ZBTB16: variants seen among roughly 807,000 people sequenced by gnomAD.
ZBTB16 encodes zinc finger and BTB domain-containing protein 16.
In ZBTB16, 8 loss-of-function variants were observed where a neutral mutation model predicts 56.8. The observed-to-expected ratio is 0.14, with a 90% confidence interval of 0.08 to 0.25. The LOEUF (loss-of-function observed/expected upper bound fraction) is 0.25. Among genes scored for constraint, ZBTB16 ranks in the 10% least tolerant of loss-of-function variants. The probability of loss-of-function intolerance (pLI) is 1.00; values close to 1 mark genes in which losing one functional copy is unlikely to be tolerated. For missense variants in ZBTB16, 625 were observed against 903.0 expected (o/e 0.69, Z 3.95); for synonymous variants, 363 against 368.5 (o/e 0.98, Z 0.17).
intron 2 of ZBTB16, among the ~76,000 whole-genome samples, chr11:114,069,294 C>T (rs1426504557): frequency 6.6e-6 from 1 of 151,902 alleles, no homozygotes; most frequent in African/African-American, 2.4e-5. Flanking sequence ...ACCGTGTTAG[C>T]CAGTATGGTC....
intron 2 of ZBTB16, among the ~76,000 whole-genome samples, chr11:114,119,264 CAAAAAAAAAA>C (rs71063549): frequency 5.2e-5 from 3 of 57,250 alleles, no homozygotes; most frequent in Admixed American, 6.3e-4. Flanking sequence ...AACTCTGTCT[CAAAAAAAAAA>C]AAAAAAAAAA....
chr11:114,248,143 A>T (rs1591814848), intron 6 of ZBTB16, among the ~76,000 whole-genome samples: 1 of 151,512 alleles, frequency 6.6e-6, no homozygotes, highest in East Asian at 1.9e-4. Flanking sequence ...CAAGTGATTC[A>T]CCCGCCTCGG....
At chr11:114,180,244 T>G (rs1943216245) in intron 3 of ZBTB16, among the ~76,000 whole-genome samples, 1 of 152,036 alleles carries the variant, frequency 6.6e-6, no homozygotes, top group Non-Finnish European at 1.5e-5. Flanking sequence ...CCCTACAGGG[T>G]GGTGCTTAGA....
At chr11:114,212,564 C>A (rs1167997080) in intron 4 of ZBTB16, among the ~76,000 whole-genome samples, 1 of 152,216 alleles carries the variant, frequency 6.6e-6, no homozygotes, top group Non-Finnish European at 1.5e-5. Context: ...AAAGACTTCG[C>A]TATAGAGTCA....
At chr11:114,110,532 G>C (rs1250294436) in intron 2 of ZBTB16, among the ~76,000 whole-genome samples, 1 of 152,194 alleles carries the variant, frequency 6.6e-6, no homozygotes, top group Non-Finnish European at 1.5e-5. Context: ...TAAAGAAGGA[G>C]GGCCAGTGAG....
intron 2 of ZBTB16, among the ~76,000 whole-genome samples, chr11:114,110,258 C>T (rs770625574): frequency 4.6e-5 from 7 of 152,140 alleles, no homozygotes; most frequent in African/African-American, 1.7e-4. Context: ...CCAGACCCTA[C>T]GGTCAAAGAT....
intron 3 of ZBTB16, among the ~76,000 whole-genome samples, chr11:114,175,981 GT>G (rs1943102046): frequency 7.6e-5 from 5 of 66,116 alleles, no homozygotes; most frequent in African/African-American, 2.1e-4. Flanking sequence ...GGAGAGGGGT[GT>G]GTGTGTGTGT....
intron 4 of ZBTB16, among the ~76,000 whole-genome samples, chr11:114,225,233 A>G (rs1016284886): frequency 3.3e-5 from 5 of 152,074 alleles, no homozygotes; most frequent in African/African-American, 1.2e-4. Flanking sequence ...GAGTAACTGG[A>G]TGGGAGAATT....
At chr11:114,068,864 G>A (rs758642085) in intron 2 of ZBTB16, among the ~76,000 whole-genome samples, 3 of 152,216 alleles carry the variant, frequency 2.0e-5, no homozygotes, top group Non-Finnish European at 4.4e-5. Context: ...GTACATATGC[G>A]ATAAGATTGC....
intron 3 of ZBTB16, among the ~76,000 whole-genome samples, chr11:114,172,609 C>G (rs1273288252): frequency 2.0e-5 from 3 of 152,186 alleles, no homozygotes; most frequent in Non-Finnish European, 4.4e-5. Context: ...CCCATTTCTC[C>G]CAGCCCACAG....
chr11:114,156,605 C>T (rs1280223212), intron 3 of ZBTB16, among the ~76,000 whole-genome samples, 171 bp downstream of exon 3: 1 of 152,166 alleles, frequency 6.6e-6, no homozygotes, highest in Non-Finnish European at 1.5e-5. Context: ...AAGATCCATC[C>T]TGATGGCGGG....
At chr11:114,195,730 A>G (rs1340137372) in intron 4 of ZBTB16, among the ~76,000 whole-genome samples, 1 of 152,170 alleles carries the variant, frequency 6.6e-6, no homozygotes, top group East Asian at 1.9e-4. Flanking sequence ...CGCATGGAGT[A>G]AGTGCTCAGG....
At chr11:114,200,207 A>G (rs995112986) in intron 4 of ZBTB16, among the ~76,000 whole-genome samples, 1 of 152,042 alleles carries the variant, frequency 6.6e-6, no homozygotes, top group Non-Finnish European at 1.5e-5. Flanking sequence ...TGATGTATGC[A>G]TAAGTGGTAG....
chr11:114,062,572 C>T (rs1938926188), intron 1 of ZBTB16, among the ~76,000 whole-genome samples: 1 of 152,184 alleles, frequency 6.6e-6, no homozygotes, highest in African/African-American at 2.4e-5. Flanking sequence ...CTTGGGTCTG[C>T]CAGTGCTTTG....
chr11:114,083,668 C>T (rs1287599758), intron 2 of ZBTB16, among the ~76,000 whole-genome samples: 2 of 152,122 alleles, frequency 1.3e-5, no homozygotes, highest in East Asian at 1.9e-4. Flanking sequence ...GAAGGGACTT[C>T]GGAGGCTCTC....
chr11:114,177,835 C>T (rs1450238984), intron 3 of ZBTB16, among the ~76,000 whole-genome samples: 2 of 152,102 alleles, frequency 1.3e-5, no homozygotes, highest in Non-Finnish European at 2.9e-5. Flanking sequence ...AGTATCACTC[C>T]GTCACCCAGG....
intron 4 of ZBTB16, among the ~76,000 whole-genome samples, chr11:114,225,515 C>A (rs1297771389): frequency 6.6e-6 from 1 of 152,154 alleles, no homozygotes. Context: ...TGCACCACTC[C>A]ATGGTGGAAG....
intron 4 of ZBTB16, among the ~76,000 whole-genome samples, chr11:114,208,817 A>AT (rs1433567001): frequency 1.3e-5 from 2 of 152,248 alleles, no homozygotes; most frequent in African/African-American, 4.8e-5. Flanking sequence ...CCATTCAGTG[A>AT]TTAAGTATTC....
intron 2 of ZBTB16, among the ~76,000 whole-genome samples, chr11:114,139,701 G>A (rs1941895691): frequency 6.6e-6 from 1 of 150,528 alleles, no homozygotes; most frequent in Non-Finnish European, 1.5e-5. Context: ...AGTTTCTGCA[G>A]CATCTTCTTG....
Sources: gnomAD v4.1 joint callset for allele counts (sites outside exome capture counted in the v4.1 genomes callset) on GRCh38, gnomAD v4.1.1 for gene constraint, MANE v1.5 for transcripts, NCBI Gene and HGNC (gene_info 2026-07-23, HGNC 2026-07-21) for gene names.